The following NTN4 variants were observed in gnomAD, a reference collection of about 807,000 sequenced individuals.
The protein encoded by NTN4 is netrin 4.
Under a neutral mutation model 73.6 loss-of-function variants are expected in NTN4, and 32 were observed. That is an observed-to-expected ratio of 0.44 (90% CI 0.33 to 0.58). NTN4 has a LOEUF of 0.58. Ranked by LOEUF, NTN4 falls within the 20% of genes least tolerant of loss-of-function variation. NTN4 has a pLI of 0.04. For synonymous variants in NTN4, 258 were observed against 287.5 expected (o/e 0.90, Z 1.04); for missense variants, 654 against 798.3 (o/e 0.82, Z 2.18).
intron 8 of NTN4, among the ~76,000 whole-genome samples, chr12:95,668,274 G>C (rs1453027193): frequency 1.3e-5 from 2 of 151,758 alleles, no homozygotes; most frequent in Non-Finnish European, 2.9e-5. Flanking sequence ...TTCTTCTTAA[G>C]TAGAAAATTA....
intron 9 of NTN4, among the ~76,000 whole-genome samples, chr12:95,659,736 T>G (rs2078121594): frequency 6.6e-6 from 1 of 152,188 alleles, no homozygotes; most frequent in African/African-American, 2.4e-5. Flanking sequence ...AATAACCCTG[T>G]GAGGTAGATA....
At chr12:95,727,321 G>A (rs2078702513) in intron 3 of NTN4, among the ~76,000 whole-genome samples, 1 of 152,032 alleles carries the variant, frequency 6.6e-6, no homozygotes, top group Non-Finnish European at 1.5e-5. Context: ...TATACATTCT[G>A]GATACCAGAA....
At chr12:95,769,933 T>C (rs2079045782) in intron 2 of NTN4, among the ~76,000 whole-genome samples, 1 of 152,004 alleles carries the variant, frequency 6.6e-6, no homozygotes, top group Non-Finnish European at 1.5e-5. Flanking sequence ...ATTTTTGTCT[T>C]TTTTGTAGAG....
At chr12:95,739,999 T>C (rs1404447616) in intron 2 of NTN4, 1 of 152,274 alleles carries the variant, frequency 6.6e-6, no homozygotes, top group East Asian at 1.9e-4. Context: ...GGGAGCTGAA[T>C]GGCGGCTCTG....
At chr12:95,732,243 TCTTTCTTTCTTTCTCTC>T in intron 3 of NTN4, among the ~76,000 whole-genome samples, 1 of 84,734 alleles carries the variant, frequency 1.2e-5, no homozygotes, top group South Asian at 4.9e-4. Flanking sequence ...TCTTTCTCTG[TCTTTCTTTCTTTCTCTC>T]CTTTCTTTCT....
chr12:95,722,827 T>C (rs1359153108), intron 3 of NTN4, among the ~76,000 whole-genome samples: 5 of 151,510 alleles, frequency 3.3e-5, no homozygotes, highest in African/African-American at 1.2e-4. Context: ...ATAATAAAAT[T>C]AGCTGGGCAT....
chr12:95,763,725 T>G (rs951751015), intron 2 of NTN4, among the ~76,000 whole-genome samples: 4 of 152,252 alleles, frequency 2.6e-5, no homozygotes, highest in Non-Finnish European at 5.9e-5. Flanking sequence ...CTTTTTCCAA[T>G]TTTATTTTTT....
chr12:95,786,715 G>C (rs1177451218), intron 2 of NTN4, among the ~76,000 whole-genome samples: 4 of 152,118 alleles, frequency 2.6e-5, no homozygotes, highest in Admixed American at 1.3e-4. Flanking sequence ...TGAAAAATTT[G>C]AATCTTAGAA....
At chr12:95,773,308 A>C (rs995642176) in intron 2 of NTN4, among the ~76,000 whole-genome samples, 1 of 152,192 alleles carries the variant, frequency 6.6e-6, no homozygotes. Context: ...CTGGCCTCCA[A>C]TGGCTTCTAA....
At chr12:95,666,412 T>G (rs2078180376) in intron 8 of NTN4, among the ~76,000 whole-genome samples, 1 of 152,092 alleles carries the variant, frequency 6.6e-6, no homozygotes, top group African/African-American at 2.4e-5. Flanking sequence ...CCCCCAAAAC[T>G]ATTGAAATAA....
intron 5 of NTN4, among the ~76,000 whole-genome samples, chr12:95,697,609 T>C (rs1222554876): frequency 2.0e-5 from 3 of 151,936 alleles, no homozygotes; most frequent in Non-Finnish European, 4.4e-5. Context: ...AGCAGGGCCT[T>C]ACAAAACTAA....
intron 3 of NTN4, among the ~76,000 whole-genome samples, chr12:95,714,647 G>A (rs1007051386): frequency 4.6e-5 from 7 of 152,140 alleles, no homozygotes; most frequent in African/African-American, 1.2e-4. Flanking sequence ...TAATGCTGGC[G>A]TTCAAAAGAT....
intron 2 of NTN4, among the ~76,000 whole-genome samples, chr12:95,768,104 C>G (rs1349321767): frequency 6.6e-6 from 1 of 152,154 alleles, no homozygotes; most frequent in Non-Finnish European, 1.5e-5. Flanking sequence ...AGTTGGTTTA[C>G]TTGAGCAATA....
At chr12:95,768,849 A>G (rs2079037397) in intron 2 of NTN4, among the ~76,000 whole-genome samples, 1 of 152,214 alleles carries the variant, frequency 6.6e-6, no homozygotes, top group Admixed American at 6.5e-5. Context: ...AGACCCAAGT[A>G]GCACAATGGG....
intron 2 of NTN4, among the ~76,000 whole-genome samples, chr12:95,760,037 T>C (rs570640644): frequency 5.6e-4 from 85 of 152,314 alleles, no homozygotes; most frequent in Admixed American, 1.2e-3. Flanking sequence ...GAATTTTATA[T>C]TGTTGCTTGA....
At chr12:95,779,965 G>T (rs1018590884) in intron 2 of NTN4, among the ~76,000 whole-genome samples, 1 of 152,118 alleles carries the variant, frequency 6.6e-6, no homozygotes, top group Non-Finnish European at 1.5e-5. Flanking sequence ...TAGACCAATG[G>T]AACAGAACAG....
At chr12:95,688,945 T>C (rs1302362689) in intron 5 of NTN4, among the ~76,000 whole-genome samples, 1 of 152,176 alleles carries the variant, frequency 6.6e-6, no homozygotes, top group African/African-American at 2.4e-5. Flanking sequence ...CAGGCCCTGA[T>C]GGTGTACTGT....
At chr12:95,714,923 T>G (rs1282598987) in intron 3 of NTN4, among the ~76,000 whole-genome samples, 1 of 152,122 alleles carries the variant, frequency 6.6e-6, no homozygotes, top group Non-Finnish European at 1.5e-5. Context: ...GTCCCTAAGG[T>G]AAAGTTCAAC....
Position 95,663,298 on chromosome 12 carries a change from A to G in NTN4, c.1750+2512T>C, listed in dbSNP as rs966820830. Reference sequence around the variant, plus strand: ...ATAAATTATGAAGCAGCATCACACCAAAAACAAATATGCAAAACAATGTTC... The same window carrying G: ...ATAAATTATGAAGCAGCATCACACCGAAAACAAATATGCAAAACAATGTTC... On this transcript the variant is annotated intron_variant, in intron 9 of 9. Coordinates refer to ENST00000343702, the MANE Select transcript of NTN4 (RefSeq NM_021229.4). 9.9e-4 allele frequency: 151 copies of G among 152,338 alleles called. 1 individual carries two copies. The highest frequency in any genetic ancestry group is 3.6e-3 in the African/African-American group (148 of 41,590). The allele number at this position is 152,338 out of a possible 1,614,324, so 9.4% of individuals were successfully genotyped here.
Sources: allele counts gnomAD v4.1 joint callset (sites outside exome capture counted in the v4.1 genomes callset), GRCh38; gene constraint gnomAD v4.1.1; transcripts MANE v1.5; gene names NCBI Gene and HGNC (gene_info 2026-07-23, HGNC 2026-07-21).